Variants in IL1RAPL1 observed in about 807,000 individuals in gnomAD.
IL1RAPL1 encodes interleukin-1 receptor accessory protein-like 1.
Under a neutral mutation model 48.4 loss-of-function variants are expected in IL1RAPL1, and 3 were observed. That is an observed-to-expected ratio of 0.06 (90% CI 0.03 to 0.16). The LOEUF is 0.16. Ranked by LOEUF, IL1RAPL1 falls within the 10% of genes least tolerant of loss-of-function variation. IL1RAPL1 has a pLI of 1.00. For synonymous variants in IL1RAPL1, 185 were observed against 187.7 expected (o/e 0.99, Z 0.12); for missense variants, 349 against 530.6 (o/e 0.66, Z 3.36).
intron 2 of IL1RAPL1, among the ~76,000 whole-genome samples, chrX:29,098,948 T>G (rs1022534449): frequency 9.0e-6 from 1 of 111,464 alleles, no homozygotes; most frequent in African/African-American, 3.3e-5. Context: ...GTCAGGAGTT[T>G]GACACCAGCC....
chrX:28,761,768 C>T (rs1936176299), intron 1 of IL1RAPL1, among the ~76,000 whole-genome samples: 2 of 111,177 alleles, frequency 1.8e-5, no homozygotes, highest in South Asian at 3.8e-4. Context: ...AAGTAAACTT[C>T]GATATATTCA....
intron 3 of IL1RAPL1, among the ~76,000 whole-genome samples, chrX:29,338,211 T>G (rs1017223813): frequency 2.7e-5 from 3 of 110,884 alleles, no homozygotes; most frequent in Middle Eastern, 4.3e-3. Context: ...GCATATAAAT[T>G]TAATCACTTT....
At chrX:28,939,018 TAA>T (rs201504894) in intron 2 of IL1RAPL1, among the ~76,000 whole-genome samples, 1 of 94,622 alleles carries the variant, frequency 1.1e-5, no homozygotes, top group African/African-American at 3.8e-5. Flanking sequence ...TAATAAACAG[TAA>T]AAAAAAAAAA....
At chrX:29,383,205 T>C (rs1000501540) in intron 3 of IL1RAPL1, among the ~76,000 whole-genome samples, 6 of 111,954 alleles carry the variant, frequency 5.4e-5, no homozygotes, top group African/African-American at 1.9e-4. Flanking sequence ...CATTACAAAA[T>C]ACATTCACAC....
intron 2 of IL1RAPL1, among the ~76,000 whole-genome samples, chrX:29,101,363 A>G (rs1228791713): frequency 8.9e-6 from 1 of 111,937 alleles, no homozygotes; most frequent in Non-Finnish European, 1.9e-5. Flanking sequence ...TGTAATAACA[A>G]TCTTCCAGCA....
chrX:29,867,237 C>A (rs1931713983), intron 6 of IL1RAPL1, among the ~76,000 whole-genome samples: 1 of 111,833 alleles, frequency 8.9e-6, no homozygotes, highest in Non-Finnish European at 1.9e-5. Context: ...GATTTGGAAC[C>A]CAGACTTCTG....
At chrX:29,949,306 A>G (rs1229008028) in intron 9 of IL1RAPL1, among the ~76,000 whole-genome samples, 1 of 112,332 alleles carries the variant, frequency 8.9e-6, no homozygotes, top group African/African-American at 3.2e-5. Context: ...TTTATAAAAC[A>G]TCAAAGCTTT....
intron 2 of IL1RAPL1, among the ~76,000 whole-genome samples, chrX:28,795,856 A>G (rs910093097): frequency 9.0e-6 from 1 of 110,942 alleles, no homozygotes. Context: ...ATGGTAGGCA[A>G]TATAAGTTTG....
rs1936025489 is a variant in IL1RAPL1 at position 28,750,176 on chromosome X, C to CAG, written c.-24-39144_-24-39143insAG. On this transcript the variant is annotated intron_variant, in intron 1 of 10. Transcript: ENST00000378993. ...CTGTGTTGGCCAGGCTGGTCTCAAA[C>CAG]TCAACCTCAAGTGATCCATCTGCCT... Among the ~76,000 whole-genome samples, 11 of 110,984 alleles carry CAG rather than the reference C, an allele frequency of 9.9e-5. No individual in the cohort carries two copies. In the Admixed American group the frequency reaches 1.1e-3, roughly 11 times the overall value.
intron 1 of IL1RAPL1, among the ~76,000 whole-genome samples, chrX:28,715,102 C>T (rs1477208077): frequency 1.8e-5 from 2 of 112,441 alleles, no homozygotes; most frequent in Non-Finnish European, 3.8e-5. Flanking sequence ...ACGTTCTTCT[C>T]ATTGCCACAT....
At chrX:29,803,301 A>ATGTACACACATGTATATATG (rs201522868) in intron 6 of IL1RAPL1, among the ~76,000 whole-genome samples, 2 of 19,683 alleles carry the variant, frequency 1.0e-4, no homozygotes, top group African/African-American at 4.8e-4. Flanking sequence ...ATATGTATAC[A>ATGTACACACATGTATATATG]TATACACACA....
intron 8 of IL1RAPL1, among the ~76,000 whole-genome samples, chrX:29,920,824 GAAAA>G (rs1932841521): frequency 1.3e-5 from 1 of 74,547 alleles, no homozygotes; most frequent in African/African-American, 5.0e-5. Context: ...AAAAAGAAAA[GAAAA>G]GAAAGAAAAG....
chrX:29,594,074 C>T (rs1269435982), intron 5 of IL1RAPL1, among the ~76,000 whole-genome samples: 2 of 112,502 alleles, frequency 1.8e-5, no homozygotes, highest in African/African-American at 3.2e-5. Context: ...TAGGGTCTGA[C>T]GATTTGGAGA....
chrX:29,712,965 T>A (rs1927390516), intron 6 of IL1RAPL1, among the ~76,000 whole-genome samples: 1 of 112,101 alleles, frequency 8.9e-6, no homozygotes. Context: ...ACTAAACTGT[T>A]AAAGGGCAGG....
At chrX:29,922,705 G>A (rs1280418559) in intron 8 of IL1RAPL1, among the ~76,000 whole-genome samples, 1 of 112,024 alleles carries the variant, frequency 8.9e-6, no homozygotes, top group Non-Finnish European at 1.9e-5. Flanking sequence ...TTATAGGTTT[G>A]GGTCTTTGAT....
At chrX:29,769,874 C>G (rs1929016613) in intron 6 of IL1RAPL1, among the ~76,000 whole-genome samples, 1 of 110,370 alleles carries the variant, frequency 9.1e-6, no homozygotes, top group East Asian at 2.9e-4. Context: ...CTTGGCCTCC[C>G]AAAGTGCTGG....
intron 1 of IL1RAPL1, among the ~76,000 whole-genome samples, chrX:28,657,002 G>T (rs1934757121): frequency 9.7e-6 from 1 of 103,247 alleles, no homozygotes; most frequent in African/African-American, 3.6e-5. Flanking sequence ...ATTCCAGCCT[G>T]GGCAACAGAT....
At chrX:29,227,691 AAAAT>A (rs2147554861) in intron 2 of IL1RAPL1, among the ~76,000 whole-genome samples, 1 of 112,327 alleles carries the variant, frequency 8.9e-6, no homozygotes, top group East Asian at 2.8e-4. Context: ...ATATGAATAA[AAAAT>A]AAATTATGGT....
intron 2 of IL1RAPL1, among the ~76,000 whole-genome samples, chrX:29,082,306 G>A (rs1485189387): frequency 8.9e-6 from 1 of 111,882 alleles, no homozygotes; most frequent in Non-Finnish European, 1.9e-5. Context: ...AATATTGTTG[G>A]CTAGTCATAA....
Sources: gnomAD v4.1 joint callset for allele counts (sites outside exome capture counted in the v4.1 genomes callset) on GRCh38, gnomAD v4.1.1 for gene constraint, MANE v1.5 for transcripts, NCBI Gene and HGNC (gene_info 2026-07-23, HGNC 2026-07-21) for gene names.